MGAT5: variants seen among roughly 807,000 people sequenced by gnomAD.
MGAT5 encodes the protein alpha-1,6-mannosylglycoprotein 6-beta-N-acetylglucosaminyltransferase, also known as alpha-1,6-mannosylglycoprotein 6-beta-N-acetylglucosaminyltransferase A.
Under a neutral mutation model 94.3 loss-of-function variants are expected in MGAT5, and 30 were observed. The observed-to-expected ratio is 0.32, with a 90% CI of 0.24 to 0.43. MGAT5 has a LOEUF of 0.43. Among genes scored for constraint, MGAT5 ranks in the 20% least tolerant of loss-of-function variants. The probability of loss-of-function intolerance (pLI) is 1.00; values close to 1 mark genes in which losing one functional copy is unlikely to be tolerated. For missense variants in MGAT5, 691 were observed against 905.5 expected, an observed-to-expected ratio of 0.76 and a Z score of 3.04; for synonymous variants, 310 against 322.9, an observed-to-expected ratio of 0.96 and a Z score of 0.43.
At chr2:134,428,512 A>T in intron 14 of MGAT5, 73 bp downstream of exon 14, 1 of 1,327,072 alleles carries the variant, frequency 7.5e-7, no homozygotes, top group Middle Eastern at 1.8e-4. Flanking sequence ...TCTCAAGAAC[A>T]TTTAAGAGCT....
intron 1 of MGAT5, among the ~76,000 whole-genome samples, chr2:134,220,739 G>A (rs1258695371): frequency 6.6e-6 from 1 of 152,134 alleles, no homozygotes; most frequent in Non-Finnish European, 1.5e-5. Context: ...CTTTGCTCTA[G>A]TCTGTGTGCT....
intron 10 of MGAT5, among the ~76,000 whole-genome samples, chr2:134,400,862 A>G (rs1683007389): frequency 6.6e-6 from 1 of 152,144 alleles, no homozygotes; most frequent in Non-Finnish European, 1.5e-5. Context: ...CTTGTAGATG[A>G]GTGAAATCCA....
chr2:134,261,188 A>AT (rs1320123649), intron 1 of MGAT5, among the ~76,000 whole-genome samples: 1 of 152,044 alleles, frequency 6.6e-6, no homozygotes, highest in Non-Finnish European at 1.5e-5. Flanking sequence ...TTGAGGAGGG[A>AT]TTGCACGCAC....
intron 1 of MGAT5, among the ~76,000 whole-genome samples, chr2:134,241,718 A>G (rs1053014834): frequency 3.3e-5 from 5 of 152,202 alleles, no homozygotes; most frequent in Non-Finnish European, 2.9e-5. Flanking sequence ...ATATATGTAA[A>G]CACTGAGAAA....
intron 1 of MGAT5, among the ~76,000 whole-genome samples, chr2:134,223,522 G>T (rs1438979937): frequency 6.6e-6 from 1 of 152,054 alleles, no homozygotes; most frequent in Non-Finnish European, 1.5e-5. Flanking sequence ...TTCCATTAGG[G>T]CACCAACTAA....
chr2:134,274,447 T>G (rs1261269746), intron 2 of MGAT5, among the ~76,000 whole-genome samples: 1 of 151,860 alleles, frequency 6.6e-6, no homozygotes. Flanking sequence ...GAACTTCCCA[T>G]CAATGGTTAT....
chr2:134,385,302 C>A (rs2106221981), intron 10 of MGAT5, among the ~76,000 whole-genome samples: 1 of 152,284 alleles, frequency 6.6e-6, no homozygotes, highest in South Asian at 2.1e-4. Flanking sequence ...TCTCCAAGTA[C>A]TGCTATGCAT....
chr2:134,131,907 G>A (rs750689323), intron 1 of MGAT5, among the ~76,000 whole-genome samples: 1 of 152,216 alleles, frequency 6.6e-6, no homozygotes, highest in East Asian at 1.9e-4. Context: ...TGTGCTTGCC[G>A]ATTTCATCAT....
intron 2 of MGAT5, among the ~76,000 whole-genome samples, chr2:134,301,318 A>G (rs1686005751): frequency 6.6e-6 from 1 of 152,174 alleles, no homozygotes; most frequent in Admixed American, 6.6e-5. Flanking sequence ...GCTGTTATGA[A>G]TAATGCTGCT....
intron 1 of MGAT5, among the ~76,000 whole-genome samples, chr2:134,156,020 T>G (rs1687460268): frequency 6.6e-6 from 1 of 152,206 alleles, no homozygotes; most frequent in Admixed American, 6.5e-5. Context: ...TCCGTAGGCT[T>G]GCTTGATTTA....
At chr2:134,307,106 G>A (rs1474824686) in intron 2 of MGAT5, among the ~76,000 whole-genome samples, 4 of 152,094 alleles carry the variant, frequency 2.6e-5, no homozygotes, top group South Asian at 2.1e-4. Context: ...ATGGGATGAC[G>A]GCATTTTGGA....
intron 4 of MGAT5, among the ~76,000 whole-genome samples, chr2:134,334,037 T>C (rs1409454197): frequency 6.6e-6 from 1 of 152,136 alleles, no homozygotes; most frequent in African/African-American, 2.4e-5. Flanking sequence ...CATAATTGAT[T>C]TTCCCACCAT....
intron 2 of MGAT5, among the ~76,000 whole-genome samples, chr2:134,313,037 AACACACACACACACACACACACAC>A (rs201311442): frequency 2.1e-4 from 29 of 139,296 alleles, no homozygotes; most frequent in African/African-American, 4.8e-4. Flanking sequence ...GCAAGAAATA[AACACACACACACACACACACACAC>A]ACACACACAC....
intron 2 of MGAT5, among the ~76,000 whole-genome samples, chr2:134,310,335 AT>A (rs1197415985): frequency 1.3e-5 from 2 of 152,216 alleles, no homozygotes; most frequent in Non-Finnish European, 2.9e-5. Flanking sequence ...TGCTTTGCAT[AT>A]GGAAGGTGCT....
At chr2:134,446,960 G>T (rs771628639) in intron 15 of MGAT5, among the ~76,000 whole-genome samples, 7 of 152,228 alleles carry the variant, frequency 4.6e-5, no homozygotes, top group Non-Finnish European at 1.0e-4. Context: ...GCGGGGAATC[G>T]CAGGATTAAT....
chr2:134,232,928 G>C (rs1433602997), intron 1 of MGAT5, among the ~76,000 whole-genome samples: 4 of 152,134 alleles, frequency 2.6e-5, no homozygotes, highest in African/African-American at 9.7e-5. Flanking sequence ...CAAAGAGTTT[G>C]CCAAGAATAC....
chr2:134,441,700 C>A, intron 14 of MGAT5, 58 bp from the exon 15 acceptor site: 2 of 1,563,358 alleles, frequency 1.3e-6, no homozygotes, highest in South Asian at 1.2e-5. Context: ...GTTGGCAGGG[C>A]TGGGGATCCC....
At chr2:134,261,275 G>A (rs1399717238) in intron 1 of MGAT5, among the ~76,000 whole-genome samples, 1 of 152,170 alleles carries the variant, frequency 6.6e-6, no homozygotes, top group Non-Finnish European at 1.5e-5. Flanking sequence ...AATGTCCCTT[G>A]TCTTACCTGA....
Position 134,254,151 on chromosome 2 carries a change from A to G in MGAT5, c.-253A>G, listed in dbSNP as rs1682788287. 5.2e-6 allele frequency: 3 copies of G among 581,332 alleles called. No homozygotes were observed. In the South Asian group the frequency reaches 6.7e-5, roughly 13 times the overall value. The allele number at this position is 581,332 out of a possible 1,614,324, so 36.0% of individuals were successfully genotyped here. A position where few individuals can be genotyped will look rare whatever the true frequency, so the allele number is the denominator to read the frequency against. ...TGAATCATAAGATATTGAACCAGCA[A>G]ATTTAAGAGTTGACATTTTACTTAG... On this transcript the variant is annotated 5_prime_UTR_variant, in exon 1 of 16. Transcript: ENST00000281923.
Sources: gnomAD v4.1 joint callset for allele counts (sites outside exome capture counted in the v4.1 genomes callset) on GRCh38, gnomAD v4.1.1 for gene constraint, MANE v1.5 for transcripts, NCBI Gene and HGNC (gene_info 2026-07-23, HGNC 2026-07-21) for gene names.